The following ADGRB3 variants were observed in gnomAD, a reference collection of about 807,000 sequenced individuals.
ADGRB3 encodes the protein brain-specific angiogenesis inhibitor 3.
A neutral mutation model predicts 193.4 loss-of-function variants in ADGRB3; 37 were observed. That is an observed-to-expected ratio of 0.19 (90% CI 0.15 to 0.25). The LOEUF is 0.25. Ranked by LOEUF, ADGRB3 falls within the 10% of genes least tolerant of loss-of-function variation. ADGRB3 has a pLI of 1.00. For synonymous variants in ADGRB3, 690 were observed against 644.2 expected (o/e 1.07, Z -1.08); for missense variants, 1,637 against 1,852.9 (o/e 0.88, Z 2.14).
intron 10 of ADGRB3, among the ~76,000 whole-genome samples, chr6:68,982,016 G>T (rs968297297): frequency 1.3e-5 from 2 of 151,900 alleles, no homozygotes; most frequent in African/African-American, 4.8e-5. Context: ...CTCCTGAGTA[G>T]CTGGGATTAC....
chr6:69,151,371 C>T (rs1774674793), intron 17 of ADGRB3, among the ~76,000 whole-genome samples: 1 of 152,134 alleles, frequency 6.6e-6, no homozygotes, highest in African/African-American at 2.4e-5. Flanking sequence ...GGTGTTGCTT[C>T]CCACTATGAC....
At chr6:69,026,529 A>C (rs1351519117) in intron 13 of ADGRB3, among the ~76,000 whole-genome samples, 1 of 152,200 alleles carries the variant, frequency 6.6e-6, no homozygotes, top group Admixed American at 6.5e-5. Context: ...AAGTGAAGCT[A>C]AAAGGTATTT....
rs949976765 is a variant in ADGRB3, at chr6:68,754,553, A to C, written c.757+115121A>C. ...TTTTCTTGTTTTAACATAGCACCTG[A>C]TAGGTGGTCAGTATATTTGTATTGA... On this transcript the variant is annotated intron_variant, in intron 3 of 31. Transcript: ENST00000370598. 2.0e-5 allele frequency among the ~76,000 whole-genome samples: 3 copies of C among 152,256 alleles called. No individual in the cohort carries two copies. The East Asian group carries it at 5.8e-4, about 29-fold the overall frequency.
At chr6:68,852,820 G>T (rs1260072073) in intron 3 of ADGRB3, among the ~76,000 whole-genome samples, 1 of 151,968 alleles carries the variant, frequency 6.6e-6, no homozygotes, top group Non-Finnish European at 1.5e-5. Flanking sequence ...ATGAATTAAT[G>T]CTGTCCTCAT....
At chr6:68,908,541 C>T (rs1051578744) in intron 3 of ADGRB3, among the ~76,000 whole-genome samples, 6 of 152,162 alleles carry the variant, frequency 3.9e-5, no homozygotes, top group African/African-American at 1.4e-4. Flanking sequence ...TTTGTAGACC[C>T]TATCCAACCT....
chr6:69,137,265 AGTAGGTTATATTT>A (rs894936585), intron 17 of ADGRB3, among the ~76,000 whole-genome samples: 1 of 151,644 alleles, frequency 6.6e-6, no homozygotes, highest in Non-Finnish European at 1.5e-5. Flanking sequence ...CCTTTTGCCC[AGTAGGTTATATTT>A]GAATACTTTT....
Position 69,307,886 on chromosome 6 carries a change from A to G in ADGRB3, c.2815-16986A>G, listed in dbSNP as rs146983084. On this transcript the variant is annotated intron_variant, in intron 20 of 31. Transcript: ENST00000370598. ...AGAGTCCCCATTCTCATATAAATGG[A>G]TGAGGTGGTTCGATTCAAGTTATGT... 1.1e-3 allele frequency among the ~76,000 whole-genome samples: 162 copies of G among 151,578 alleles called. 1 individual carries two copies. The highest frequency in any genetic ancestry group is 1.9e-3 in the Non-Finnish European group (132 of 67,814).
intron 3 of ADGRB3, among the ~76,000 whole-genome samples, chr6:68,798,794 G>A (rs1425277889): frequency 6.6e-6 from 1 of 152,192 alleles, no homozygotes; most frequent in Non-Finnish European, 1.5e-5. Flanking sequence ...GAGTTTTCCA[G>A]AAGAAGCAAG....
chr6:68,645,959 C>T (rs1357020029), intron 3 of ADGRB3, among the ~76,000 whole-genome samples: 1 of 152,074 alleles, frequency 6.6e-6, no homozygotes, highest in Non-Finnish European at 1.5e-5. Flanking sequence ...AGGCAGGAGC[C>T]ACCGTGGCCA....
At chr6:69,195,931 G>GA (rs1284555345) in intron 17 of ADGRB3, among the ~76,000 whole-genome samples, 1 of 151,970 alleles carries the variant, frequency 6.6e-6, no homozygotes. Context: ...TGATTTTAAA[G>GA]AAAAAATGAA....
intron 3 of ADGRB3, among the ~76,000 whole-genome samples, chr6:68,810,409 T>C (rs1051484898): frequency 1.1e-4 from 16 of 152,332 alleles, no homozygotes; most frequent in African/African-American, 3.8e-4. Flanking sequence ...GGACAAGGCC[T>C]ACCACAAAGT....
At chr6:69,039,477 T>C (rs1260377379) in intron 13 of ADGRB3, among the ~76,000 whole-genome samples, 2 of 152,086 alleles carry the variant, frequency 1.3e-5, no homozygotes, top group Non-Finnish European at 2.9e-5. Context: ...AAGGGATAGA[T>C]AGTAAATATC....
At chr6:69,150,491 T>A (rs1774642805) in intron 17 of ADGRB3, among the ~76,000 whole-genome samples, 1 of 152,120 alleles carries the variant, frequency 6.6e-6, no homozygotes, top group African/African-American at 2.4e-5. Flanking sequence ...GGCCTGGGAC[T>A]CATCTTTCAG....
intron 3 of ADGRB3, among the ~76,000 whole-genome samples, chr6:68,784,325 C>T (rs1177596195): frequency 1.3e-5 from 2 of 152,074 alleles, no homozygotes; most frequent in Non-Finnish European, 2.9e-5. Flanking sequence ...AGCCAAAAGG[C>T]TGAGAAGCGA....
Position 69,001,044 on chromosome 6 carries a change from G to GA in ADGRB3, c.1929+7091dup, listed in dbSNP as rs887224070. ...TCAAGCTGCTTATGATATCATTGAAGAAAAAAAAATAACTTGAATGAGGCT... is the reference window on the plus strand; with the variant it reads ...TCAAGCTGCTTATGATATCATTGAAGAAAAAAAAAATAACTTGAATGAGGCT... On this transcript the variant is annotated intron_variant, in intron 11 of 31. Coordinates refer to ENST00000370598, the MANE Select transcript of ADGRB3 (RefSeq NM_001704.3). 2.3e-3 allele frequency among the ~76,000 whole-genome samples: 343 copies of GA among 150,882 alleles called. 1 individual carries two copies. Among genetic ancestry groups the GA allele is most frequent in the African/African-American group, 7.4e-3 (303 of 41,182 alleles).
At chr6:68,975,008 G>A in intron 9 of ADGRB3, 144 bp downstream of exon 9, 1 of 758,896 alleles carries the variant, frequency 1.3e-6, no homozygotes, top group East Asian at 2.7e-5. Context: ...TTTTAGTAAA[G>A]TGCTTCATAA....
intron 3 of ADGRB3, among the ~76,000 whole-genome samples, chr6:68,893,574 A>G (rs1480184684): frequency 6.7e-6 from 1 of 150,122 alleles, no homozygotes; most frequent in East Asian, 2.0e-4. Context: ...TCCCACTGCT[A>G]TGAATGATTT....
At chr6:68,644,290 G>A (rs949489755) in intron 3 of ADGRB3, among the ~76,000 whole-genome samples, 4 of 151,880 alleles carry the variant, frequency 2.6e-5, no homozygotes, top group African/African-American at 9.7e-5. Context: ...TCTCCAAGGT[G>A]TTATTTTAAA....
chr6:69,082,477 T>C (rs1159633869), intron 17 of ADGRB3, among the ~76,000 whole-genome samples: 3 of 152,118 alleles, frequency 2.0e-5, no homozygotes, highest in Non-Finnish European at 2.9e-5. Context: ...TAGTTCTACT[T>C]TTTTCCCCTC....
Sources: gnomAD v4.1 joint callset for allele counts (sites outside exome capture counted in the v4.1 genomes callset) on GRCh38, gnomAD v4.1.1 for gene constraint, MANE v1.5 for transcripts, NCBI Gene and HGNC (gene_info 2026-07-23, HGNC 2026-07-21) for gene names.